Variants in NELL1 observed in about 807,000 individuals in gnomAD.
NELL1 encodes the protein protein kinase C-binding protein NELL1.
A neutral mutation model predicts 107.4 loss-of-function variants in NELL1; 76 were observed. The observed-to-expected ratio is 0.71, with a 90% CI of 0.59 to 0.86. NELL1 has a LOEUF of 0.86. Ranked by LOEUF, NELL1 falls within the 40% of genes least tolerant of loss-of-function variation. The pLI, the probability that NELL1 is intolerant of heterozygous loss-of-function variation, is 0.00. For synonymous variants in NELL1, 353 were observed against 341.2 expected (o/e 1.03, Z -0.38); for missense variants, 1,024 against 1,005.5 (o/e 1.02, Z -0.25).
At chr11:21,506,116 T>C (rs2133938267) in intron 15 of NELL1, among the ~76,000 whole-genome samples, 1 of 152,332 alleles carries the variant, frequency 6.6e-6, no homozygotes, top group South Asian at 2.1e-4. Flanking sequence ...AAGTATCCTA[T>C]CTTAAAATAA....
intron 13 of NELL1, among the ~76,000 whole-genome samples, chr11:21,224,837 GA>G (rs901418979): frequency 6.6e-6 from 1 of 152,050 alleles, no homozygotes; most frequent in Non-Finnish European, 1.5e-5. Flanking sequence ...TCTCTTTGTT[GA>G]ATTTCTCATT....
chr11:21,293,240 C>A (rs1035020720), intron 14 of NELL1, among the ~76,000 whole-genome samples: 2 of 151,412 alleles, frequency 1.3e-5, no homozygotes, highest in African/African-American at 4.8e-5. Flanking sequence ...AGAAAAAAAA[C>A]AAACAACAAA....
At chr11:20,802,407 T>G in intron 3 of NELL1, among the ~76,000 whole-genome samples, 1 of 137,262 alleles carries the variant, frequency 7.3e-6, no homozygotes, top group Admixed American at 6.9e-5. Flanking sequence ...ACAGAAATGC[T>G]GTTTTTTTTT....
At chr11:21,379,739 C>T (rs897695928) in intron 15 of NELL1, among the ~76,000 whole-genome samples, 8 of 152,104 alleles carry the variant, frequency 5.3e-5, no homozygotes, top group Middle Eastern at 3.4e-3. Context: ...TTCTGTGCCC[C>T]GCGGACTTGC....
intron 14 of NELL1, among the ~76,000 whole-genome samples, chr11:21,278,934 C>T (rs1217881876): frequency 1.3e-5 from 2 of 152,034 alleles, no homozygotes; most frequent in African/African-American, 4.8e-5. Context: ...AATAGACAAA[C>T]AAGTCAATGC....
chr11:20,974,442 C>G (rs1313706962), intron 12 of NELL1, among the ~76,000 whole-genome samples: 1 of 151,838 alleles, frequency 6.6e-6, no homozygotes, highest in Non-Finnish European at 1.5e-5. Flanking sequence ...ATAAGACGAT[C>G]CAGAGGAAAA....
intron 13 of NELL1, among the ~76,000 whole-genome samples, chr11:21,184,296 T>G (rs755588519): frequency 6.6e-6 from 1 of 151,748 alleles, no homozygotes; most frequent in Non-Finnish European, 1.5e-5. Flanking sequence ...TGAGATGGAG[T>G]CTTGCTTTTT....
chr11:21,349,446 CTT>C (rs1484169008), intron 14 of NELL1, among the ~76,000 whole-genome samples: 2 of 152,072 alleles, frequency 1.3e-5, no homozygotes, highest in African/African-American at 4.8e-5. Context: ...TCAAAAAAGA[CTT>C]TGCTGAAAAC....
At chr11:21,513,887 C>T (rs1855496322) in intron 15 of NELL1, among the ~76,000 whole-genome samples, 1 of 152,148 alleles carries the variant, frequency 6.6e-6, no homozygotes, top group Non-Finnish European at 1.5e-5. Flanking sequence ...AGAGCCTGAG[C>T]CCCCCTGGTG....
In NELL1 at chr11:21,339,623, C is replaced by G. The variant is rs947627073; in HGVS notation, c.1550-31230C>G. Among the ~76,000 whole-genome samples, 12 of 152,188 alleles carry G rather than the reference C, an allele frequency of 7.9e-5. 1 individual carries two copies. Among genetic ancestry groups the G allele is most frequent in the Admixed American group, 5.2e-4 (8 of 15,288 alleles). On this transcript the variant is annotated intron_variant, in intron 14 of 19. Coordinates refer to ENST00000357134, the MANE Select transcript of NELL1 (RefSeq NM_006157.5). ...TTTACCAGACCTAGTTTAGGCACCT[C>G]TCCAGGCAATCAGGGTCCGCTGGTC...
At chr11:21,269,164 G>T (rs1848691550) in intron 14 of NELL1, among the ~76,000 whole-genome samples, 1 of 152,004 alleles carries the variant, frequency 6.6e-6, no homozygotes, top group African/African-American at 2.4e-5. Context: ...CCAAAGAACT[G>T]TGGGACCACC....
At chr11:21,073,718 A>G (rs1854069663) in intron 12 of NELL1, among the ~76,000 whole-genome samples, 1 of 152,194 alleles carries the variant, frequency 6.6e-6, no homozygotes, top group Non-Finnish European at 1.5e-5. Context: ...TGAGATTTGA[A>G]GGAAGTAAAA....
chr11:21,004,627 T>C (rs966717755), intron 12 of NELL1, among the ~76,000 whole-genome samples: 5 of 152,070 alleles, frequency 3.3e-5, no homozygotes, highest in African/African-American at 1.2e-4. Context: ...TTAAGTGAGA[T>C]AAGAGTAATA....
At chr11:20,853,926 TG>T (rs1432436828) in intron 4 of NELL1, among the ~76,000 whole-genome samples, 2 of 152,110 alleles carry the variant, frequency 1.3e-5, no homozygotes, top group African/African-American at 4.8e-5. Flanking sequence ...CCTCCTCCTG[TG>T]TAAGATTTTT....
At chr11:21,566,157 A>G (rs4320947) in intron 17 of NELL1, among the ~76,000 whole-genome samples, 63,648 of 151,752 alleles carry the variant, frequency 0.42, 14,397 homozygotes, top group Non-Finnish European at 0.51. Flanking sequence ...CACTTCATTT[A>G]CAAAAACAGG....
chr11:21,284,243 AAC>A (rs1849060506), intron 14 of NELL1: 1 of 456,764 alleles, frequency 2.2e-6, no homozygotes, highest in Non-Finnish European at 4.4e-6. Flanking sequence ...AAATTTGCCA[AAC>A]GTGGAGACCT....
At chr11:21,235,595 T>C (rs1371129055) in intron 14 of NELL1, among the ~76,000 whole-genome samples, 1 of 152,178 alleles carries the variant, frequency 6.6e-6, no homozygotes, top group Admixed American at 6.6e-5. Flanking sequence ...GTGATGTTAC[T>C]ATATAAGAAA....
At chr11:21,399,350 A>T (rs1215073373) in intron 15 of NELL1, among the ~76,000 whole-genome samples, 1 of 151,674 alleles carries the variant, frequency 6.6e-6, no homozygotes, top group African/African-American at 2.4e-5. Flanking sequence ...AGGTATTGCA[A>T]TGTGTTAGCT....
chr11:20,753,501 A>G (rs76367944), intron 2 of NELL1, among the ~76,000 whole-genome samples: 5,321 of 152,282 alleles, frequency 0.035, 300 homozygotes, highest in African/African-American at 0.12. Context: ...CCCCTACATT[A>G]ATCACATTTG....
Sources: gnomAD v4.1 joint callset for allele counts (sites outside exome capture counted in the v4.1 genomes callset) on GRCh38, gnomAD v4.1.1 for gene constraint, MANE v1.5 for transcripts, NCBI Gene and HGNC (gene_info 2026-07-23, HGNC 2026-07-21) for gene names.